DERA: variants seen among roughly 807,000 people sequenced by gnomAD.
The protein encoded by DERA is deoxyribose-phosphate aldolase.
DERA carries 15 observed loss-of-function variants against 41.1 expected under a neutral mutation model. The observed-to-expected ratio is 0.37, with a 90% CI of 0.24 to 0.56. DERA has a LOEUF of 0.56. Ranked by LOEUF, DERA falls within the 20% of genes least tolerant of loss-of-function variation. The pLI, the probability that DERA is intolerant of heterozygous loss-of-function variation, is 0.81. For synonymous variants in DERA, 139 were observed against 137.4 expected, an observed-to-expected ratio of 1.01 and a Z score of -0.08; for missense variants, 396 against 403.4, an observed-to-expected ratio of 0.98 and a Z score of 0.16.
intron 1 of DERA, among the ~76,000 whole-genome samples, chr12:15,946,175 T>G (rs1032553359): frequency 6.6e-5 from 10 of 152,198 alleles, no homozygotes; most frequent in Non-Finnish European, 1.2e-4. Flanking sequence ...TCAGGGATAT[T>G]GGTCTAAAAT....
chr12:15,945,136 T>G (rs1370125409), intron 1 of DERA, among the ~76,000 whole-genome samples: 1 of 152,194 alleles, frequency 6.6e-6, no homozygotes, highest in African/African-American at 2.4e-5. Context: ...ACTGTAGCCT[T>G]GTAGTATAGT....
At chr12:15,912,020 CT>C (rs11354779) in intron 1 of DERA, among the ~76,000 whole-genome samples, 13,620 of 134,020 alleles carry the variant, frequency 0.1, 1,280 homozygotes, top group African/African-American at 0.27. Context: ...GTTCAGATTT[CT>C]TTTTTTTTTT....
intron 4 of DERA, 122 bp from the exon 5 acceptor site, chr12:15,962,691 G>C: frequency 1.4e-6 from 1 of 709,250 alleles, no homozygotes; most frequent in South Asian, 2.1e-5. Context: ...GATGTTTGGG[G>C]GTTTGGAATT....
Position 15,996,441 on chromosome 12 carries a change from C to A in DERA, c.637+14005C>A, listed in dbSNP as rs1439133174. The stretch of plus-strand genomic sequence containing the variant: ...TGCTTATTCTGGCTTCTGGTGTTTG[C>A]CAGCAATGCTTGACATACCTTGGCT... On this transcript the variant is annotated intron_variant, in intron 6 of 8. Transcript: ENST00000428559. This position sits in a 1 kb window ranked among gnomAD's most constrained non-coding sequence, Gnocchi z 4.7. Among the ~76,000 whole-genome samples, 2 of 152,018 alleles carry A rather than the reference C, an allele frequency of 1.3e-5. No individual in the cohort carries two copies. The highest frequency in any genetic ancestry group is 2.9e-5 in the Non-Finnish European group (2 of 67,994).
chr12:16,005,484 G>A (rs573893290), intron 6 of DERA, among the ~76,000 whole-genome samples: 2 of 152,200 alleles, frequency 1.3e-5, no homozygotes, highest in East Asian at 1.9e-4. Flanking sequence ...CGCTTCAACC[G>A]AGTGAATGAA....
Position 15,967,690 on chromosome 12 carries a change from G to A in DERA, c.508+4743G>A, listed in dbSNP as rs564930947. ...CTGTTTTTTTGCCTACTCCTTAGTG[G>A]TTAAGCTTTTTACTGTCAGATCATG... On this transcript the variant is annotated intron_variant, in intron 5 of 8. Coordinates refer to ENST00000428559, the MANE Select transcript of DERA (RefSeq NM_015954.4). The surrounding 1 kb of genome is among the most constrained non-coding windows in gnomAD (Gnocchi z 4.9). 6.6e-6 allele frequency among the ~76,000 whole-genome samples: 1 copy of A among 152,184 alleles called. No homozygotes were observed. The highest frequency in any genetic ancestry group is 1.9e-4 in the East Asian group (1 of 5,174).
chr12:15,926,194 G>A (rs547718192), intron 1 of DERA, among the ~76,000 whole-genome samples: 2 of 148,702 alleles, frequency 1.3e-5, no homozygotes, highest in African/African-American at 2.5e-5. Context: ...CTGAGGCACT[G>A]TTTTTTTTTT....
rs1948305002 is a variant in DERA, at chr12:15,928,667, T to C, written c.31+17253T>C. 6.6e-6 allele frequency among the ~76,000 whole-genome samples: 1 copy of C among 152,080 alleles called. No individual in the cohort carries two copies. The highest frequency in any genetic ancestry group is 1.5e-5 in the Non-Finnish European group (1 of 68,028). ...CCCCGAGGTGTCTACTTGGAGAGTT[T>C]CCCCTATTAAAAGCTGTCTGGGAGA... On this transcript the variant is annotated intron_variant, in intron 1 of 8. Transcript: ENST00000428559. The surrounding 1 kb of genome is among the most constrained non-coding windows in gnomAD (Gnocchi z 4.6).
chr12:15,951,157 C>T (rs1213723893), intron 1 of DERA, among the ~76,000 whole-genome samples: 1 of 152,232 alleles, frequency 6.6e-6, no homozygotes, highest in Non-Finnish European at 1.5e-5. Flanking sequence ...CTTGGCCCCA[C>T]AGACCCCTGC....
intron 5 of DERA, among the ~76,000 whole-genome samples, chr12:15,980,504 C>T (rs943567581): frequency 2.0e-5 from 3 of 152,060 alleles, no homozygotes; most frequent in Non-Finnish European, 4.4e-5. Context: ...AATGTCATTC[C>T]ATCCAATTCA....
intron 6 of DERA, among the ~76,000 whole-genome samples, chr12:16,023,742 G>T (rs1035614746): frequency 2.0e-5 from 3 of 152,092 alleles, no homozygotes; most frequent in Admixed American, 2.0e-4. Context: ...CTCCCAAAGT[G>T]CTGGGATTAC....
rs948023662 is a variant in DERA at position 16,035,794 on chromosome 12, G to A, written c.751-438G>A. Among the ~76,000 whole-genome samples the A allele has an allele frequency of 2.0e-5, 3 of 152,200 alleles. No homozygotes were observed. The highest frequency in any genetic ancestry group is 4.4e-5 in the Non-Finnish European group (3 of 68,036). Reference sequence around the variant, plus strand: ...TTCTGTCCTTTGATTTTAAATGCACGTGTCTTTTGAACCTCAAGATGAAGG... The same window carrying A: ...TTCTGTCCTTTGATTTTAAATGCACATGTCTTTTGAACCTCAAGATGAAGG... On this transcript the variant is annotated intron_variant, in intron 7 of 8. Coordinates refer to ENST00000428559, the MANE Select transcript of DERA (RefSeq NM_015954.4). The surrounding 1 kb of genome is among the most constrained non-coding windows in gnomAD (Gnocchi z 4.1).
chr12:15,952,425 T>A (rs1008876237), intron 1 of DERA, among the ~76,000 whole-genome samples: 1 of 152,338 alleles, frequency 6.6e-6, no homozygotes, highest in African/African-American at 2.4e-5. Context: ...TTTGGAGATC[T>A]TCTCTGACTT....
At chr12:15,964,749 C>T (rs781605908) in intron 5 of DERA, among the ~76,000 whole-genome samples, 6 of 152,144 alleles carry the variant, frequency 3.9e-5, no homozygotes, top group Admixed American at 6.6e-5. Context: ...TTATAACTTA[C>T]ACCTTTTATT....
Position 15,936,942 on chromosome 12 carries a change from T to TCCCGTCCCGTCCCGTCCC in DERA, c.32-19994_32-19993insCCCGTCCCGTCCCGTCCC, listed in dbSNP as rs1565588744. ...TGTCCTGTCCTGTCCTGTCTTGTCC[T>TCCCGTCCCGTCCCGTCCC]GTCCCGTCCTGTCCTGCCCTGCCCT... On this transcript the variant is annotated intron_variant, in intron 1 of 8. Coordinates refer to ENST00000428559, the MANE Select transcript of DERA (RefSeq NM_015954.4). This position sits in a 1 kb window ranked among gnomAD's most constrained non-coding sequence, Gnocchi z 4.6. Among the ~76,000 whole-genome samples, 1 of 148,862 alleles carries TCCCGTCCCGTCCCGTCCC rather than the reference T, an allele frequency of 6.7e-6. No homozygotes were observed. The highest frequency in any genetic ancestry group is 2.5e-5 in the African/African-American group (1 of 39,686).
Position 15,999,625 on chromosome 12 carries a change from A to G in DERA, c.637+17189A>G, listed in dbSNP as rs1246119258. On this transcript the variant is annotated intron_variant, in intron 6 of 8. Transcript: ENST00000428559. The surrounding 1 kb of genome is among the most constrained non-coding windows in gnomAD (Gnocchi z 5.3). The stretch of plus-strand genomic sequence containing the variant: ...GAAAGCTGGTCTGGTTGGGCTGGAG[A>G]GTAAATGGAAAGTGGCAGAAGAGGT... 6.6e-6 allele frequency among the ~76,000 whole-genome samples: 1 copy of G among 152,146 alleles called. No homozygotes were observed. The highest frequency in any genetic ancestry group is 2.4e-5 in the African/African-American group (1 of 41,428).
At chr12:15,937,427 T>C (rs1948376668) in intron 1 of DERA, among the ~76,000 whole-genome samples, 1 of 152,346 alleles carries the variant, frequency 6.6e-6, no homozygotes, top group South Asian at 2.1e-4. Context: ...GATCATTTGC[T>C]TAAGGAGATT....
intron 1 of DERA, among the ~76,000 whole-genome samples, chr12:15,933,821 C>T (rs1192309525): frequency 1.3e-5 from 2 of 152,156 alleles, no homozygotes; most frequent in Non-Finnish European, 2.9e-5. Flanking sequence ...CGACCAGCCT[C>T]ATCTTTTCAT....
Position 15,982,313 on chromosome 12 carries a change from T to C in DERA, c.514T>C (p.Tyr172His). 1 of 1,612,694 alleles carries C rather than the reference T, an allele frequency of 6.2e-7. No individual in the cohort carries two copies. Among genetic ancestry groups the C allele is most frequent in the Non-Finnish European group, 8.5e-7 (1 of 1,179,592 alleles). ...TCAATTATTTTCTTCCCCAGCCCTG[T>C]ATGATGAGATTCGTCAGTTTCGCAA... ...LVLTGQWEAL[Y>H]DEIRQFRKAC... Residue 172 changes from tyrosine (Y) to histidine (H), a missense_variant, in exon 6 of 9, where the codon TAT (tyrosine) becomes CAT (histidine). Tyr to His is a moderately conservative substitution (Grantham distance 83). Transcript: ENST00000428559. The surrounding 1 kb of genome is among the most constrained non-coding windows in gnomAD (Gnocchi z 4.0).
Sources: gnomAD v4.1 joint callset for allele counts (sites outside exome capture counted in the v4.1 genomes callset) on GRCh38, gnomAD v4.1.1 for gene constraint, Gnocchi (gnomAD v3.1) non-coding constraint, MANE v1.5 for transcripts, NCBI Gene and HGNC (gene_info 2026-07-23, HGNC 2026-07-21) for gene names.